Variants in RPS6KA2 observed in about 807,000 individuals in gnomAD.
RPS6KA2 encodes ribosomal protein S6 kinase A2, also known as ribosomal protein S6 kinase alpha-2.
RPS6KA2 carries 42 observed loss-of-function variants against 91.8 expected under a neutral mutation model. The ratio of observed to expected loss-of-function variants is 0.46; its 90% CI spans 0.36 to 0.59. The LOEUF (loss-of-function observed/expected upper bound fraction) is 0.59. RPS6KA2 is among the 20% of genes least tolerant of loss of function. The pLI, the probability that RPS6KA2 is intolerant of heterozygous loss-of-function variation, is 0.00. For missense variants in RPS6KA2, 798 were observed against 978.5 expected (o/e 0.82, Z 2.46); for synonymous variants, 414 against 393.6 (o/e 1.05, Z -0.61).
intron 2 of RPS6KA2, among the ~76,000 whole-genome samples, chr6:166,759,437 A>C (rs1255610401): frequency 6.6e-6 from 1 of 152,244 alleles, no homozygotes; most frequent in Non-Finnish European, 1.5e-5. Context: ...TCTGTCTTCC[A>C]AAATTTCTCA....
At chr6:166,625,340 C>A (rs1438412933) in intron 1 of RPS6KA2, among the ~76,000 whole-genome samples, 2 of 122,348 alleles carry the variant, frequency 1.6e-5, no homozygotes, top group South Asian at 3.5e-4. Flanking sequence ...CACCCCCCCC[C>A]CCGCTTGTTT....
intron 3 of RPS6KA2, among the ~76,000 whole-genome samples, chr6:166,511,106 C>G (rs1782466508): frequency 6.6e-6 from 1 of 152,192 alleles, no homozygotes; most frequent in Non-Finnish European, 1.5e-5. Context: ...GGGGTGCCTG[C>G]TGGGCTCACC....
chr6:166,591,697 C>T (rs1192289389), intron 1 of RPS6KA2, among the ~76,000 whole-genome samples: 1 of 152,180 alleles, frequency 6.6e-6, no homozygotes, highest in Admixed American at 6.5e-5. Flanking sequence ...GGTATAGTCT[C>T]GGAAATCCAC....
rs16899331 is a variant in RPS6KA2 at position 166,733,286 on chromosome 6, T to C, written c.123+124914A>G. Among the ~76,000 whole-genome samples the C allele has an allele frequency of 0.25, 38,361 of 152,188 alleles. 6,352 individuals carry two copies. The highest frequency in any genetic ancestry group is 0.47 in the African/African-American group (19,536 of 41,486). ...TGTTCCCAAAGTCACAGACCCTTTA[T>C]GGACATGCAGGACTGATGCCGCCAC... On this transcript the variant is annotated intron_variant, in intron 2 of 21. Coordinates refer to the RPS6KA2 transcript ENST00000503859. The surrounding 1 kb of genome is among the most constrained non-coding windows in gnomAD (Gnocchi z 4.1).
chr6:166,629,156 G>A (rs910555273), upstream of RPS6KA2, among the ~76,000 whole-genome samples: 1 of 152,254 alleles, frequency 6.6e-6, no homozygotes, highest in Non-Finnish European at 1.5e-5. Context: ...ACTGGACACA[G>A]ACTCCGGGAA....
At chr6:166,746,218 A>G (rs1791005163) in intron 2 of RPS6KA2, among the ~76,000 whole-genome samples, 1 of 152,200 alleles carries the variant, frequency 6.6e-6, no homozygotes, top group Non-Finnish European at 1.5e-5. Flanking sequence ...TGTGATAAGA[A>G]CAACACCGAG....
chr6:166,538,805 T>TGAGAAACACACCGC, intron 1 of RPS6KA2, 21 bp from the exon 2 acceptor site: 3 of 1,345,414 alleles, frequency 2.2e-6, no homozygotes, highest in Non-Finnish European at 3.2e-6. Context: ...GCGGCACGGG[T>TGAGAAACACACCGC]GAGAAACACA....
At chr6:166,587,645 C>G (rs1173803034) in intron 1 of RPS6KA2, among the ~76,000 whole-genome samples, 3 of 144,754 alleles carry the variant, frequency 2.1e-5, no homozygotes, top group Admixed American at 1.4e-4. Flanking sequence ...AAAAAAAAAG[C>G]AAACCAGCAT....
In RPS6KA2 at chr6:166,563,651, G is replaced by A. The variant is rs1784410014; in HGVS notation, c.100-24867C>T. 6.6e-6 allele frequency among the ~76,000 whole-genome samples: 1 copy of A among 150,986 alleles called. No homozygotes were observed. Among genetic ancestry groups the A allele is most frequent in the Non-Finnish European group, 1.5e-5 (1 of 67,756 alleles). On this transcript the variant is annotated intron_variant, in intron 1 of 20. Coordinates refer to ENST00000265678, the MANE Select transcript of RPS6KA2 (RefSeq NM_021135.6). The surrounding 1 kb of genome is among the most constrained non-coding windows in gnomAD (Gnocchi z 4.1). ...AGACCTCCCACCCCAGGCAGATCTTGTGGGCAAGGTATCTGCTTAAAGACA... is the reference window on the plus strand; with the variant it reads ...AGACCTCCCACCCCAGGCAGATCTTATGGGCAAGGTATCTGCTTAAAGACA...
chr6:166,770,023 A>G lies in RPS6KA2; in HGVS notation c.123+88177T>C, dbSNP rs992967469. Reference sequence around the variant, plus strand: ...AATGAACTACAGCGCAGTTTAACGTATCAATGTAGATGAACATAAGCTCAA... The same window carrying G: ...AATGAACTACAGCGCAGTTTAACGTGTCAATGTAGATGAACATAAGCTCAA... On this transcript the variant is annotated intron_variant, in intron 2 of 21. Coordinates refer to the RPS6KA2 transcript ENST00000503859. The surrounding 1 kb of genome is among the most constrained non-coding windows in gnomAD (Gnocchi z 5.1). Among the ~76,000 whole-genome samples, 4 of 152,236 alleles carry G rather than the reference A, an allele frequency of 2.6e-5. No homozygotes were observed. The highest frequency in any genetic ancestry group is 9.6e-5 in the African/African-American group (4 of 41,462).
At chr6:166,478,819 C>T (rs7747857) in intron 10 of RPS6KA2, among the ~76,000 whole-genome samples, 40,999 of 152,010 alleles carry the variant, frequency 0.27, 8,088 homozygotes, top group African/African-American at 0.56. Flanking sequence ...CATTACAGTG[C>T]TTCCCACCCA....
rs377384180 is a variant in RPS6KA2 at position 166,603,381 on chromosome 6, TG to T, written c.99+23539del. Among the ~76,000 whole-genome samples, 2 of 151,932 alleles carry T rather than the reference TG, an allele frequency of 1.3e-5. No individual in the cohort carries two copies. Among genetic ancestry groups the T allele is most frequent in the African/African-American group, 4.8e-5 (2 of 41,330 alleles). On this transcript the variant is annotated intron_variant, in intron 1 of 20. Transcript: ENST00000265678. The surrounding 1 kb of genome is among the most constrained non-coding windows in gnomAD (Gnocchi z 4.3). ...CAGCGCAGCCTCAGAGTGCGTGGGG[TG>T]GGGCAGAGCTCTGGGAGGCCGAGTG...
At chr6:166,462,743 C>T (rs747422301) in intron 11 of RPS6KA2, among the ~76,000 whole-genome samples, 8 of 152,236 alleles carry the variant, frequency 5.3e-5, no homozygotes, top group Non-Finnish European at 8.8e-5. Flanking sequence ...GGAAGCCCGC[C>T]TCTGCTTTCC....
At chr6:166,443,930 T>C (rs983329645) in intron 14 of RPS6KA2, among the ~76,000 whole-genome samples, 1 of 152,206 alleles carries the variant, frequency 6.6e-6, no homozygotes, top group Non-Finnish European at 1.5e-5. Context: ...TAAAAAATTT[T>C]CCAGTATATT....
rs1044358130 is a variant in RPS6KA2, at chr6:166,821,869, C to T, written c.123+36331G>A. Among the ~76,000 whole-genome samples the T allele has an allele frequency of 6.6e-6, 1 of 152,156 alleles. No homozygotes were observed. The highest frequency in any genetic ancestry group is 2.4e-5 in the African/African-American group (1 of 41,430). On this transcript the variant is annotated intron_variant, in intron 2 of 21. Transcript: ENST00000503859. This position sits in a 1 kb window ranked among gnomAD's most constrained non-coding sequence, Gnocchi z 4.1. ...GTGTTGGATTCCCCACTCAGACACGCTCTTCTCTCCTTCTTCCCCTTCTCA... is the reference window on the plus strand; with the variant it reads ...GTGTTGGATTCCCCACTCAGACACGTTCTTCTCTCCTTCTTCCCCTTCTCA...
At chr6:166,555,379 A>G (rs1425758208) in intron 1 of RPS6KA2, among the ~76,000 whole-genome samples, 2 of 152,226 alleles carry the variant, frequency 1.3e-5, no homozygotes, top group Non-Finnish European at 2.9e-5. Flanking sequence ...GGATCACTTA[A>G]GATGTTTTTC....
intron 1 of RPS6KA2, among the ~76,000 whole-genome samples, chr6:166,558,149 GGA>G (rs71299768): frequency 1.9e-4 from 28 of 149,510 alleles, no homozygotes; most frequent in South Asian, 6.4e-4. Context: ...ATGTATGTGG[GGA>G]GAGAGAGAGA....
At chr6:166,795,172 C>G (rs557111604) in intron 2 of RPS6KA2, among the ~76,000 whole-genome samples, 11 of 152,182 alleles carry the variant, frequency 7.2e-5, no homozygotes, top group South Asian at 2.1e-4. Flanking sequence ...ATTAATAAAG[C>G]AAAACCTGGA....
chr6:166,441,506 C>G (rs941563200), intron 14 of RPS6KA2, among the ~76,000 whole-genome samples: 2 of 152,240 alleles, frequency 1.3e-5, no homozygotes, highest in African/African-American at 4.8e-5. Flanking sequence ...ACGGGTGCAG[C>G]TAACACCCCA....
Sources: gnomAD v4.1 joint callset for allele counts (sites outside exome capture counted in the v4.1 genomes callset) on GRCh38, gnomAD v4.1.1 for gene constraint, Gnocchi (gnomAD v3.1) non-coding constraint, MANE v1.5 for transcripts, NCBI Gene and HGNC (gene_info 2026-07-23, HGNC 2026-07-21) for gene names.